EAF2: variants seen among roughly 807,000 people sequenced by gnomAD.
The protein encoded by EAF2 is ELL associated factor 2.
Under a neutral mutation model 29.4 loss-of-function variants are expected in EAF2, and 29 were observed. That is an observed-to-expected ratio of 0.99 (90% CI 0.73 to 1.35). The LOEUF is 1.35. Among genes scored for constraint, EAF2 ranks in the 40% most tolerant of loss-of-function variants. EAF2 has a pLI of 0.00. For synonymous variants in EAF2, 103 were observed against 102.5 expected (o/e 1.00, Z -0.03); for missense variants, 292 against 312.0 (o/e 0.94, Z 0.48).
chr3:121,847,515 CA>C (rs1323423932), intron 2 of EAF2, among the ~76,000 whole-genome samples: 1 of 152,086 alleles, frequency 6.6e-6, no homozygotes, highest in Admixed American at 6.5e-5. Flanking sequence ...TAGGCTAGGT[CA>C]AAAGGCGTGC....
rs562676814 is a variant in EAF2 at position 121,871,180 on chromosome 3, A to T, written c.485-1357A>T. Among the ~76,000 whole-genome samples, 40 of 151,574 alleles carry T rather than the reference A, an allele frequency of 2.6e-4. 1 individual carries two copies. The South Asian group carries it at 7.5e-3, about 28-fold the overall frequency. On this transcript the variant is annotated intron_variant, in intron 4 of 5. Transcript: ENST00000273668. ...ACTTGTGGTATATTTATATAATATA[A>T]TATAATATAATATCATAGCAGTAGA... is the stretch of plus-strand genomic sequence containing the variant.
At chr3:121,880,380 C>A (rs192954973) in intron 5 of EAF2, among the ~76,000 whole-genome samples, 5 of 151,654 alleles carry the variant, frequency 3.3e-5, no homozygotes, top group Admixed American at 3.3e-4. Context: ...TGGCCCCAGG[C>A]AGTCCTCCTT....
chr3:121,877,698 A>T (rs1709124824), intron 5 of EAF2, among the ~76,000 whole-genome samples: 1 of 151,916 alleles, frequency 6.6e-6, no homozygotes, highest in Admixed American at 6.6e-5. Flanking sequence ...AATAAATAAT[A>T]AATAAAATAG....
At chr3:121,874,264 G>C (rs1417459838) in intron 5 of EAF2, among the ~76,000 whole-genome samples, 1 of 151,828 alleles carries the variant, frequency 6.6e-6, no homozygotes, top group African/African-American at 2.4e-5. Flanking sequence ...GAGAAGCCAA[G>C]ACTGAGAGGC....
chr3:121,848,431 A>C (rs1295049380), intron 2 of EAF2, among the ~76,000 whole-genome samples: 1 of 152,216 alleles, frequency 6.6e-6, no homozygotes, highest in African/African-American at 2.4e-5. Context: ...TAAAAACATT[A>C]TACTTAGTGT....
chr3:121,841,526 A>G (rs895583895), intron 1 of EAF2, among the ~76,000 whole-genome samples: 45 of 28,450 alleles, frequency 1.6e-3, no homozygotes, highest in East Asian at 3.6e-3. Context: ...AAAAAAAAAA[A>G]AAAAAAAAAA....
At chr3:121,854,577 T>C in intron 2 of EAF2, 110 bp from the exon 3 acceptor site, 3 of 870,796 alleles carry the variant, frequency 3.4e-6, no homozygotes, top group Non-Finnish European at 4.9e-6. Context: ...AGTTTATGGG[T>C]GACTTGAAGT....
At chr3:121,849,593 A>G (rs1439791449) in intron 2 of EAF2, among the ~76,000 whole-genome samples, 2 of 152,070 alleles carry the variant, frequency 1.3e-5, no homozygotes, top group East Asian at 3.9e-4. Flanking sequence ...TCTATTATTC[A>G]GGCAATGCAT....
In EAF2 at chr3:121,872,690, TC is replaced by T; in HGVS notation, c.639del (p.Ser214GlnfsTer6). 1 of 1,612,908 alleles carries T rather than the reference TC, an allele frequency of 6.2e-7. No individual in the cohort carries two copies. The highest frequency in any genetic ancestry group is 8.5e-7 in the Non-Finnish European group (1 of 1,179,218). On this transcript the variant is annotated frameshift_variant, in exon 5 of 6. Transcript: ENST00000273668. LOFTEE classifies it high-confidence loss of function. ...KSSTSDTGNC[V>X]SGHPTMTQYR... The stretch of plus-strand genomic sequence containing the variant: ...TCTACTTCTGATACAGGGAATTGTG[TC>T]TCAGGACATCCTACCATGACACAGT...
intron 3 of EAF2, 69 bp from the exon 4 acceptor site, chr3:121,856,942 A>T: frequency 1.4e-6 from 2 of 1,400,088 alleles, no homozygotes. Flanking sequence ...AGTTTTAGTA[A>T]CTTTGTAAGT....
chr3:121,845,632 A>G (rs1004328100), intron 2 of EAF2, among the ~76,000 whole-genome samples: 22 of 152,106 alleles, frequency 1.4e-4, no homozygotes, highest in African/African-American at 5.3e-4. Context: ...ACATGATTAG[A>G]TTTAGATTTC....
At position 121,835,291 on chromosome 3, in the gene EAF2, T is replaced by G. The variant is rs528607299; in HGVS notation, c.6T>G (p.Asn2Lys). M[N>K]SAAGFSHLDR... is the part of the protein sequence containing the mutation. ...GTCAAAGCAGGAGAGTAATTATGAA[T>G]AGCGCAGCGGGATTCTCACACCTAG... is the stretch of plus-strand genomic sequence containing the variant. The change falls in exon 1 of 6, where the codon AAT becomes AAG. Residue 2 changes from asparagine to lysine, a missense_variant. Transcript: ENST00000273668. 2.5e-6 allele frequency: 4 copies of G among 1,614,108 alleles called. No homozygotes were observed. In the South Asian group the frequency reaches 4.4e-5, roughly 18 times the overall value.
intron 1 of EAF2, among the ~76,000 whole-genome samples, chr3:121,843,911 T>C (rs1316235845): frequency 6.6e-6 from 1 of 152,288 alleles, no homozygotes; most frequent in Middle Eastern, 3.4e-3. Flanking sequence ...TGTACTGTAT[T>C]TGCTATGTAT....
intron 1 of EAF2, among the ~76,000 whole-genome samples, chr3:121,841,420 A>T (rs761423138): frequency 2.0e-5 from 3 of 147,010 alleles, no homozygotes; most frequent in Non-Finnish European, 4.5e-5. Flanking sequence ...CGGGAGAATC[A>T]CTTGAACCCA....
intron 5 of EAF2, among the ~76,000 whole-genome samples, chr3:121,884,014 A>G (rs1008119429): frequency 6.6e-6 from 1 of 152,164 alleles, no homozygotes; most frequent in African/African-American, 2.4e-5. Context: ...GTCATATAAT[A>G]GTTCTGTAAG....
intron 5 of EAF2, among the ~76,000 whole-genome samples, chr3:121,880,634 T>C (rs1037125999): frequency 6.6e-6 from 1 of 152,168 alleles, no homozygotes; most frequent in African/African-American, 2.4e-5. Context: ...GTGGAGCTTT[T>C]AGGGTTTTCT....
intron 2 of EAF2, among the ~76,000 whole-genome samples, chr3:121,853,761 C>A (rs1394224791): frequency 6.6e-6 from 1 of 152,086 alleles, no homozygotes; most frequent in African/African-American, 2.4e-5. Context: ...TAAGGGCAGG[C>A]TGGATTACAG....
chr3:121,867,099 C>T (rs929818500), intron 4 of EAF2, among the ~76,000 whole-genome samples: 2 of 152,146 alleles, frequency 1.3e-5, no homozygotes, highest in Non-Finnish European at 2.9e-5. Flanking sequence ...AGAATCCCCT[C>T]AACCTGAAAA....
chr3:121,856,972 T>A, intron 3 of EAF2, 39 bp from the exon 4 acceptor site: 2 of 1,561,492 alleles, frequency 1.3e-6, no homozygotes, highest in Non-Finnish European at 1.7e-6. Context: ...GTTACATTGC[T>A]GTCATACCTG....
Sources: gnomAD v4.1 joint callset for allele counts (sites outside exome capture counted in the v4.1 genomes callset) on GRCh38, gnomAD v4.1.1 for gene constraint, MANE v1.5 for transcripts, NCBI Gene and HGNC (gene_info 2026-07-23, HGNC 2026-07-21) for gene names.